Variants in TSHZ2 observed in about 807,000 individuals in gnomAD.
TSHZ2 encodes teashirt homolog 2.
Under a neutral mutation model 74.4 loss-of-function variants are expected in TSHZ2, and 21 were observed. That is an observed-to-expected ratio of 0.28 (90% CI 0.20 to 0.41). The LOEUF (loss-of-function observed/expected upper bound fraction) is 0.41, where lower values mean the gene tolerates loss of function less well. Among genes scored for constraint, TSHZ2 ranks in the 10% least tolerant of loss-of-function variants. The pLI, the probability that TSHZ2 is intolerant of heterozygous loss-of-function variation, is 1.00. For synonymous variants in TSHZ2, 540 were observed against 515.3 expected, an observed-to-expected ratio of 1.05 and a Z score of -0.65; for missense variants, 1,244 against 1,293.5, an observed-to-expected ratio of 0.96 and a Z score of 0.59.
rs73913026 is a variant in TSHZ2, at chr20:53,037,927, G to T, written c.40+64594G>T. On this transcript the variant is annotated intron_variant, in intron 1 of 2. Transcript: ENST00000371497. ...CGAGTCTGCCAGGACAGAATGCCTG[G>T]GTCTGCTTGGTTGGGTCTCCACATG... is the stretch of plus-strand genomic sequence containing the variant. Among the ~76,000 whole-genome samples the T allele has an allele frequency of 5.4e-3, 821 of 152,004 alleles. 5 individuals are homozygous for T. Among genetic ancestry groups the T allele is most frequent in the African/African-American group, 0.019 (799 of 41,476 alleles).
At chr20:53,139,891 T>A (rs1987344135) in intron 1 of TSHZ2, among the ~76,000 whole-genome samples, 1 of 152,226 alleles carries the variant, frequency 6.6e-6, no homozygotes. Flanking sequence ...TCTCAGCATT[T>A]AATCATTTTA....
In TSHZ2 at chr20:53,125,735, A is replaced by C. The variant is rs147965846; in HGVS notation, c.41-127764A>C. On this transcript the variant is annotated intron_variant, in intron 1 of 2. Transcript: ENST00000371497. ...ATTATACAGGAATGCAGTTACCAAA[A>C]TATTTAAAAAAAAAAAATTGTGATG... is the stretch of plus-strand genomic sequence containing the variant. Among the ~76,000 whole-genome samples the C allele has an allele frequency of 4.0e-3, 610 of 152,248 alleles. 4 individuals carry two copies. Among genetic ancestry groups the C allele is most frequent in the African/African-American group, 0.014 (563 of 41,552 alleles).
At chr20:53,354,097 T>G (rs1355984619) in intron 2 of TSHZ2, among the ~76,000 whole-genome samples, 1 of 152,240 alleles carries the variant, frequency 6.6e-6, no homozygotes, top group Non-Finnish European at 1.5e-5. Context: ...GGTGAAAGTT[T>G]AACTACATCA....
chr20:53,284,002 G>C (rs1991114617), intron 2 of TSHZ2, among the ~76,000 whole-genome samples: 1 of 152,206 alleles, frequency 6.6e-6, no homozygotes, highest in Non-Finnish European at 1.5e-5. Context: ...GGTGAAAGAA[G>C]GTGGCAGAAG....
At chr20:53,480,182 C>T (rs1986113221) in intron 2 of TSHZ2, among the ~76,000 whole-genome samples, 1 of 151,558 alleles carries the variant, frequency 6.6e-6, no homozygotes, top group South Asian at 2.1e-4. Flanking sequence ...GATTCTCCTG[C>T]CCCAGCCTCC....
intron 2 of TSHZ2, among the ~76,000 whole-genome samples, chr20:53,444,296 G>A (rs1256490323): frequency 3.3e-5 from 5 of 152,268 alleles, no homozygotes; most frequent in African/African-American, 1.2e-4. Flanking sequence ...GCCAGACAAT[G>A]CTCTCCCTCC....
At chr20:53,457,061 G>C (rs201303743) in intron 2 of TSHZ2, among the ~76,000 whole-genome samples, 10,578 of 66,490 alleles carry the variant, frequency 0.16, 940 homozygotes, top group East Asian at 0.27. Context: ...GGTTCCATAT[G>C]AACTTTAAAG....
At chr20:53,285,427 G>T (rs1045178044) in intron 2 of TSHZ2, among the ~76,000 whole-genome samples, 5 of 152,136 alleles carry the variant, frequency 3.3e-5, no homozygotes, top group African/African-American at 2.4e-5. Flanking sequence ...TCTGAGAAAT[G>T]GGGCCAGGTG....
intron 1 of TSHZ2, among the ~76,000 whole-genome samples, chr20:53,175,399 C>G (rs1180204006): frequency 1.3e-5 from 2 of 152,080 alleles, no homozygotes; most frequent in African/African-American, 4.8e-5. Flanking sequence ...GCCTCGGCCT[C>G]CCAAAGTGCT....
intron 2 of TSHZ2, among the ~76,000 whole-genome samples, chr20:53,304,270 T>G (rs1978428336): frequency 6.8e-6 from 1 of 147,040 alleles, no homozygotes. Flanking sequence ...AACAGATTCT[T>G]GTAGTAAACT....
chr20:53,017,576 TTTTAAATTAAGTAAA>T (rs1983086001), intron 1 of TSHZ2, among the ~76,000 whole-genome samples: 2 of 152,074 alleles, frequency 1.3e-5, no homozygotes, highest in African/African-American at 4.8e-5. Flanking sequence ...ATAGTCAAGT[TTTTAAATTAAGTAAA>T]TATAATAGGG....
intron 2 of TSHZ2, among the ~76,000 whole-genome samples, chr20:53,345,317 C>A (rs1284444380): frequency 6.6e-6 from 1 of 151,904 alleles, no homozygotes; most frequent in African/African-American, 2.4e-5. Context: ...GGAACCACCC[C>A]CACCATTGCC....
chr20:53,435,950 C>T lies in TSHZ2; in HGVS notation c.*9-51194C>T, dbSNP rs893287468. ...CGTGTCTAAGATGGGCATGATAATA[C>T]CCCAACCTCACAGGACTGAGACAAT... is the stretch of plus-strand genomic sequence containing the variant. On this transcript the variant is annotated intron_variant, in intron 2 of 2. Transcript: ENST00000371497. 7.2e-5 allele frequency among the ~76,000 whole-genome samples: 11 copies of T among 152,330 alleles called. No individual in the cohort carries two copies. The South Asian group carries it at 2.3e-3, about 32-fold the overall frequency.
intron 2 of TSHZ2, among the ~76,000 whole-genome samples, chr20:53,456,574 T>A (rs1354588462): frequency 8.8e-6 from 1 of 114,172 alleles, no homozygotes; most frequent in African/African-American, 3.8e-5. Context: ...AGATCCCATT[T>A]GTAAATTTTG....
intron 1 of TSHZ2, among the ~76,000 whole-genome samples, chr20:53,162,550 G>C (rs753394767): frequency 1.3e-5 from 2 of 152,146 alleles, no homozygotes; most frequent in Non-Finnish European, 1.5e-5. Context: ...AAAAAATTAC[G>C]TCAAGTGCTA....
intron 2 of TSHZ2, among the ~76,000 whole-genome samples, chr20:53,416,078 G>C (rs966573469): frequency 1.2e-4 from 19 of 152,186 alleles, no homozygotes. Flanking sequence ...GGGTTGCTCT[G>C]GCACCCACGT....
intron 2 of TSHZ2, among the ~76,000 whole-genome samples, chr20:53,311,936 C>G (rs1169076772): frequency 6.6e-6 from 1 of 152,026 alleles, no homozygotes; most frequent in Non-Finnish European, 1.5e-5. Context: ...AAAAGATTAG[C>G]TGGGTATGGT....
At chr20:53,469,822 G>C (rs1289691023) in intron 2 of TSHZ2, among the ~76,000 whole-genome samples, 1 of 119,924 alleles carries the variant, frequency 8.3e-6, no homozygotes, top group Admixed American at 8.5e-5. Flanking sequence ...CAAAGATAGA[G>C]AAAGAGAGAG....
At chr20:53,058,463 C>T (rs1185622925) in intron 1 of TSHZ2, among the ~76,000 whole-genome samples, 1 of 152,186 alleles carries the variant, frequency 6.6e-6, no homozygotes, top group Non-Finnish European at 1.5e-5. Flanking sequence ...AAAGGCAGGG[C>T]CCCTTGCAGA....
Sources: gnomAD v4.1 joint callset for allele counts (sites outside exome capture counted in the v4.1 genomes callset) on GRCh38, gnomAD v4.1.1 for gene constraint, MANE v1.5 for transcripts, NCBI Gene and HGNC (gene_info 2026-07-23, HGNC 2026-07-21) for gene names.